VNN2: variants seen among roughly 807,000 people sequenced by gnomAD.
VNN2 encodes the protein vanin 2.
A neutral mutation model predicts 43.0 loss-of-function variants in VNN2; 43 were observed. That is an observed-to-expected ratio of 1.00 (90% CI 0.78 to 1.29). The LOEUF (loss-of-function observed/expected upper bound fraction) is 1.29, where lower values mean the gene tolerates loss of function less well. VNN2 is among the 50% of genes most tolerant of loss of function. The pLI, the probability that VNN2 is intolerant of heterozygous loss-of-function variation, is 0.00. For missense variants in VNN2, 652 were observed against 619.7 expected (o/e 1.05, Z -0.55); for synonymous variants, 230 against 224.3 (o/e 1.03, Z -0.23).
At chr6:132,750,586 C>T (rs192056239) in intron 5 of VNN2, among the ~76,000 whole-genome samples, 1,834 of 144,930 alleles carry the variant, frequency 0.013, 42 homozygotes, top group African/African-American at 0.044. Context: ...ATCGCTTGAA[C>T]CTGGGAGGCA....
rs200100880 is a variant in VNN2, at chr6:132,757,663, G to A, written c.213+8C>T. On this transcript the variant is annotated splice_region_variant and intron_variant, in intron 1 of 6. Transcript: ENST00000326499. ...TGTACATTATGATTAACAGAAATAA[G>A]AGAATACCTGCTCAGCTGCCTGCTT... is the stretch of plus-strand genomic sequence containing the variant. 6.8e-6 allele frequency: 11 copies of A among 1,613,262 alleles called. No homozygotes were observed. In the Admixed American group the frequency reaches 1.3e-4, roughly 20 times the overall value.
At chr6:132,747,380 G>T (rs956224397) in intron 6 of VNN2, among the ~76,000 whole-genome samples, 5 of 152,146 alleles carry the variant, frequency 3.3e-5, no homozygotes, top group African/African-American at 1.2e-4. Context: ...AACTTTGGGA[G>T]GTCGAGGTGG....
In VNN2 at chr6:132,757,679, C is replaced by A. The variant is rs775309919; in HGVS notation, c.205G>T (p.Ala69Ser). The change falls in exon 1 of 7, where the codon GCT becomes TCT. Residue 69 changes from alanine to serine, a missense_variant. Ala to Ser is a moderately conservative substitution (Grantham distance 99, BLOSUM62 1). Coordinates refer to ENST00000326499, the MANE Select transcript of VNN2 (RefSeq NM_004665.6). ...DILETAIKQA[A>S]EQGARIIVTP... is the part of the protein sequence containing the mutation. ...CAGAAATAAGAGAATACCTGCTCAG[C>A]TGCCTGCTTGATCGCTGTCTCCAGA... 1 of 1,614,018 alleles carries A rather than the reference C, an allele frequency of 6.2e-7. No homozygotes were observed. Among genetic ancestry groups the A allele is most frequent in the South Asian group, 1.1e-5 (1 of 91,078 alleles).
chr6:132,752,097 T>C (rs892475933), intron 4 of VNN2, among the ~76,000 whole-genome samples: 4 of 152,198 alleles, frequency 2.6e-5, no homozygotes, highest in Non-Finnish European at 5.9e-5. Flanking sequence ...GGATATGCCA[T>C]GCAGCCATAG....
chr6:132,754,416 A>C (rs1017202045), intron 3 of VNN2, among the ~76,000 whole-genome samples: 1 of 152,228 alleles, frequency 6.6e-6, no homozygotes, highest in Admixed American at 6.5e-5. Context: ...TTGAGGACTT[A>C]TGTTAACGAT....
intron 2 of VNN2, among the ~76,000 whole-genome samples, chr6:132,756,495 T>C (rs1780486166): frequency 6.6e-6 from 1 of 152,124 alleles, no homozygotes; most frequent in South Asian, 2.1e-4. Flanking sequence ...TGTATCTCTA[T>C]CACCCAAACT....
At position 132,755,846 on chromosome 6, in the gene VNN2, A is replaced by G. The variant is rs775770228; in HGVS notation, c.534T>C (p.His178=). 5 of 1,610,922 alleles carry G rather than the reference A, an allele frequency of 3.1e-6. No individual in the cohort carries two copies. The highest frequency in any genetic ancestry group is 3.4e-6 in the Non-Finnish European group (4 of 1,178,134). The change falls in exon 3 of 7, where the codon CAT becomes CAC. Residue 178 remains histidine (H), a synonymous_variant. Transcript: ENST00000326499. ...CACGTCCGTCACTCTCTCTTACCTT[A>G]TGGTAACGTGCCACGAGTTTTCCTT... ...NTEGKLVARY[H]KYHLYSEPQF... is the part of the protein sequence containing the mutation.
chr6:132,755,731 A>G (rs1780422275), intron 3 of VNN2, 112 bp downstream of exon 3: 1 of 1,186,948 alleles, frequency 8.4e-7, no homozygotes, highest in Non-Finnish European at 1.1e-6. Flanking sequence ...AAACAAAACA[A>G]AAAAACCCTC....
At chr6:132,758,662 GA>G (rs570044606), upstream of VNN2, among the ~76,000 whole-genome samples, 1,202 of 152,034 alleles carry the variant, frequency 7.9e-3, 14 homozygotes, top group Non-Finnish European at 0.014. Context: ...AGACGGGGGG[GA>G]AAATATTAAA....
At chr6:132,761,949 A>T (rs2114646277), upstream of VNN2, among the ~76,000 whole-genome samples, 1 of 152,356 alleles carries the variant, frequency 6.6e-6, no homozygotes, top group East Asian at 1.9e-4. Flanking sequence ...AACGCAGATG[A>T]CAATAATTAA....
At chr6:132,753,555 A>C (rs1005404793) in intron 3 of VNN2, 8 of 437,484 alleles carry the variant, frequency 1.8e-5, no homozygotes, top group Non-Finnish European at 3.2e-5. Flanking sequence ...CTAAAAAAAA[A>C]CTTAGTCTAA....
chr6:132,750,326 T>A (rs916399179), intron 5 of VNN2, among the ~76,000 whole-genome samples: 2 of 151,896 alleles, frequency 1.3e-5, no homozygotes, highest in Non-Finnish European at 2.9e-5. Context: ...AAAAGTTTCA[T>A]CTTTAAAATT....
Position 132,752,687 on chromosome 6 carries a change from G to A in VNN2, c.600C>T (p.Asn200=). 1.1e-5 allele frequency: 17 copies of A among 1,614,156 alleles called. No individual in the cohort carries two copies. Among genetic ancestry groups the A allele is most frequent in the Non-Finnish European group, 1.4e-5 (16 of 1,180,022 alleles). ...VPEKPELVTF[N]TAFGRFGIFT... is the part of the protein sequence containing the mutation. ...AAATGCCAAACCTTCCAAATGCGGT[G>A]TTGAAAGTCACCAACTCCGGCTTTT... is the stretch of plus-strand genomic sequence containing the variant. The change falls in exon 4 of 7, where the codon AAC becomes AAT. Residue 200 remains asparagine, a synonymous_variant. Coordinates refer to ENST00000326499, the MANE Select transcript of VNN2 (RefSeq NM_004665.6).
chr6:132,747,892 G>A (rs1779813986), intron 6 of VNN2, among the ~76,000 whole-genome samples: 1 of 152,140 alleles, frequency 6.6e-6, no homozygotes, highest in Admixed American at 6.5e-5. Flanking sequence ...TTCTGGCTTT[G>A]GACCTTTAAC....
At chr6:132,748,539 T>C (rs1779858530) in intron 6 of VNN2, among the ~76,000 whole-genome samples, 1 of 152,242 alleles carries the variant, frequency 6.6e-6, no homozygotes, top group African/African-American at 2.4e-5. Flanking sequence ...TTGAATTAAC[T>C]TGGACCCTAT....
chr6:132,752,975 T>G, intron 3 of VNN2: 6 of 463,598 alleles, frequency 1.3e-5, no homozygotes, highest in East Asian at 3.6e-5. Context: ...TTCTCTCTCT[T>G]TCCCTCTCTC....
intron 3 of VNN2, 106 bp from the exon 4 acceptor site, chr6:132,752,855 G>A (rs990572865): frequency 2.4e-6 from 3 of 1,260,554 alleles, no homozygotes; most frequent in East Asian, 2.3e-5. Context: ...TCAACTGCAG[G>A]GAATCTCCTA....
upstream of VNN2, among the ~76,000 whole-genome samples, chr6:132,758,960 TTCTCCTTCTCC>T (rs1380325630): frequency 1.3e-5 from 2 of 150,922 alleles, no homozygotes; most frequent in African/African-American, 4.9e-5. Context: ...CTCCCCCTAC[TTCTCCTTCTCC>T]TCCTACTCCT....
At chr6:132,744,960 C>A (rs1779632872) in intron 6 of VNN2, among the ~76,000 whole-genome samples, 1 of 151,342 alleles carries the variant, frequency 6.6e-6, no homozygotes. Flanking sequence ...GAGTGGGACA[C>A]AAGCTGCCAA....
Sources: gnomAD v4.1 joint callset for allele counts (sites outside exome capture counted in the v4.1 genomes callset) on GRCh38, gnomAD v4.1.1 for gene constraint, MANE v1.5 for transcripts, NCBI Gene and HGNC (gene_info 2026-07-23, HGNC 2026-07-21) for gene names.